IL1RAPL2: variants seen among roughly 807,000 people sequenced by gnomAD.
The protein encoded by IL1RAPL2 is X-linked interleukin-1 receptor accessory protein-like 2.
A neutral mutation model predicts 44.1 loss-of-function variants in IL1RAPL2; 3 were observed. The observed-to-expected ratio is 0.07, with a 90% CI of 0.03 to 0.18. IL1RAPL2 has a LOEUF of 0.18. Ranked by LOEUF, IL1RAPL2 falls within the 10% of genes least tolerant of loss-of-function variation. The probability of loss-of-function intolerance (pLI) is 1.00; values close to 1 mark genes in which losing one functional copy is unlikely to be tolerated. For missense variants in IL1RAPL2, 391 were observed against 496.4 expected, an observed-to-expected ratio of 0.79 and a Z score of 2.02; for synonymous variants, 181 against 178.8, an observed-to-expected ratio of 1.01 and a Z score of -0.10.
chrX:105,519,514 A>G (rs1385678380), intron 6 of IL1RAPL2, among the ~76,000 whole-genome samples: 1 of 111,279 alleles, frequency 9.0e-6, no homozygotes, highest in African/African-American at 3.3e-5. Context: ...TGGAAGCAGC[A>G]AAGTGAGGAT....
intron 6 of IL1RAPL2, among the ~76,000 whole-genome samples, chrX:105,589,323 A>G (rs1336596854): frequency 9.0e-6 from 1 of 111,296 alleles, no homozygotes; most frequent in African/African-American, 3.3e-5. Context: ...ATTTTCTCCT[A>G]TCCTGTAGGT....
At chrX:105,375,893 A>G (rs1277806893) in intron 5 of IL1RAPL2, among the ~76,000 whole-genome samples, 5 of 111,949 alleles carry the variant, frequency 4.5e-5, no homozygotes, top group Non-Finnish European at 7.5e-5. Flanking sequence ...ACCAAAGCTC[A>G]TGTCTTCTAC....
intron 2 of IL1RAPL2, among the ~76,000 whole-genome samples, chrX:104,976,709 G>A (rs931885937): frequency 2.7e-5 from 3 of 110,066 alleles, no homozygotes; most frequent in South Asian, 7.7e-4. Context: ...CCAAATGCCC[G>A]AAACCTCAGA....
intron 2 of IL1RAPL2, among the ~76,000 whole-genome samples, chrX:104,717,943 G>C (rs5917128): frequency 9.1e-6 from 1 of 109,403 alleles, no homozygotes; most frequent in African/African-American, 3.3e-5. Flanking sequence ...ACTCATCATT[G>C]TTATGGCTGC....
chrX:105,409,845 TAGACAGAC>T (rs1556311285), intron 5 of IL1RAPL2, among the ~76,000 whole-genome samples: 2 of 85,951 alleles, frequency 2.3e-5, no homozygotes, highest in Non-Finnish European at 4.7e-5. Context: ...GATAGATAGA[TAGACAGAC>T]AGACAGACAG....
At position 104,582,656 on chromosome X, in the gene IL1RAPL2, CTTTT is replaced by C. The variant is rs1166851253; in HGVS notation, c.-20+15610_-20+15613del. ...TCTTTCTTTCTCTCTTTCTTTCTTT[CTTTT>C]TTTTCTTTTTTCTTTCTCTTTCTTT... On this transcript the variant is annotated intron_variant, in intron 1 of 10. Transcript: ENST00000372582. Among the ~76,000 whole-genome samples the C allele has an allele frequency of 2.1e-4, 12 of 56,748 alleles. No individual in the cohort carries two copies. The Admixed American group carries it at 2.4e-3, about 11-fold the overall frequency. 49.3% of individuals were successfully genotyped at this position (56,748 alleles called of 115,157 possible).
chrX:105,252,242 A>G (rs1055272132), intron 4 of IL1RAPL2, among the ~76,000 whole-genome samples: 1 of 111,533 alleles, frequency 9.0e-6, no homozygotes, highest in African/African-American at 3.2e-5. Flanking sequence ...AGACCCATCT[A>G]TGTTATGACA....
At chrX:105,340,151 G>A (rs2035059925) in intron 5 of IL1RAPL2, among the ~76,000 whole-genome samples, 1 of 111,236 alleles carries the variant, frequency 9.0e-6, no homozygotes, top group African/African-American at 3.3e-5. Flanking sequence ...TTCCAAAATT[G>A]AATTCCTAGT....
chrX:105,143,722 C>G (rs966892846), intron 2 of IL1RAPL2, among the ~76,000 whole-genome samples: 1 of 111,741 alleles, frequency 8.9e-6, no homozygotes, highest in South Asian at 3.7e-4. Flanking sequence ...TCTCTATTTT[C>G]TCACAGAGAC....
intron 1 of IL1RAPL2, among the ~76,000 whole-genome samples, chrX:104,597,752 T>C (rs1219860691): frequency 9.1e-6 from 1 of 110,050 alleles, no homozygotes. Context: ...GTTTCTAGCT[T>C]GAGACTTCAG....
chrX:105,274,625 T>A (rs770672925), intron 5 of IL1RAPL2, among the ~76,000 whole-genome samples: 1 of 112,362 alleles, frequency 8.9e-6, no homozygotes, highest in Non-Finnish European at 1.9e-5. Flanking sequence ...AAGTGTGTTC[T>A]CCTTTGGAAC....
intron 2 of IL1RAPL2, among the ~76,000 whole-genome samples, chrX:105,032,215 T>A (rs1260688030): frequency 3.6e-5 from 4 of 110,185 alleles, no homozygotes; most frequent in Admixed American, 9.8e-5. Context: ...GTTTTTTGTG[T>A]CTCTATTTCC....
intron 1 of IL1RAPL2, among the ~76,000 whole-genome samples, chrX:104,645,447 A>G (rs1052442834): frequency 1.9e-4 from 21 of 111,818 alleles, no homozygotes; most frequent in East Asian, 1.7e-3. Context: ...TTCTACTTCA[A>G]TGAACATTCC....
intron 1 of IL1RAPL2, among the ~76,000 whole-genome samples, chrX:104,568,794 A>T (rs537308603): frequency 9.0e-6 from 1 of 111,475 alleles, no homozygotes; most frequent in African/African-American, 3.3e-5. Context: ...AGAAGTGCCT[A>T]TCTTCGCCAC....
intron 5 of IL1RAPL2, among the ~76,000 whole-genome samples, chrX:105,357,504 T>C (rs1159768907): frequency 9.0e-6 from 1 of 111,693 alleles, no homozygotes; most frequent in Admixed American, 9.6e-5. Flanking sequence ...ATTTCAGTAA[T>C]TGTTATTTCT....
At chrX:104,613,179 G>T (rs1929199738) in intron 1 of IL1RAPL2, among the ~76,000 whole-genome samples, 1 of 111,464 alleles carries the variant, frequency 9.0e-6, no homozygotes, top group South Asian at 3.8e-4. Flanking sequence ...TCTCTTGTCT[G>T]ATTGATATGG....
chrX:105,100,928 TC>T (rs1161469385), intron 2 of IL1RAPL2, among the ~76,000 whole-genome samples: 1 of 112,690 alleles, frequency 8.9e-6, no homozygotes, highest in East Asian at 2.8e-4. Context: ...GAATGCCAAT[TC>T]CACTTTCCTT....
intron 6 of IL1RAPL2, among the ~76,000 whole-genome samples, chrX:105,683,336 T>C (rs1265340967): frequency 2.7e-5 from 3 of 111,995 alleles, no homozygotes; most frequent in African/African-American, 9.7e-5. Context: ...TTCTACCTTT[T>C]GTCTATCATT....
chrX:104,915,747 A>G (rs1201632002), intron 2 of IL1RAPL2, among the ~76,000 whole-genome samples: 4 of 111,821 alleles, frequency 3.6e-5, no homozygotes. Context: ...ATTTTTGTAT[A>G]AGGTGTAAGG....
Sources: allele counts gnomAD v4.1 joint callset (sites outside exome capture counted in the v4.1 genomes callset), GRCh38; gene constraint gnomAD v4.1.1; transcripts MANE v1.5; gene names NCBI Gene and HGNC (gene_info 2026-07-23, HGNC 2026-07-21).